Variants in VPS13B observed in about 807,000 individuals in gnomAD.
VPS13B encodes intermembrane lipid transfer protein VPS13B.
Under a neutral mutation model 426.4 loss-of-function variants are expected in VPS13B, and 285 were observed. That is an observed-to-expected ratio of 0.67 (90% CI 0.61 to 0.74). The LOEUF (loss-of-function observed/expected upper bound fraction) is 0.74, where lower values mean the gene tolerates loss of function less well. VPS13B is among the 30% of genes least tolerant of loss of function. The probability of loss-of-function intolerance (pLI) is 0.00; values close to 1 mark genes in which losing one functional copy is unlikely to be tolerated. For missense variants in VPS13B, 4,537 were observed against 4,782.6 expected, an observed-to-expected ratio of 0.95 and a Z score of 1.51; for synonymous variants, 1,676 against 1,676.4, an observed-to-expected ratio of 1.00 and a Z score of 0.01.
intron 24 of VPS13B, among the ~76,000 whole-genome samples, chr8:99,471,315 G>T (rs1819392262): frequency 6.6e-6 from 1 of 152,054 alleles, no homozygotes; most frequent in Non-Finnish European, 1.5e-5. Context: ...ATTGTCTGCT[G>T]GTTTTTTCAG....
chr8:99,668,588 G>T lies in VPS13B; in HGVS notation c.6046+7097G>T, dbSNP rs552863123. 5.9e-5 allele frequency among the ~76,000 whole-genome samples: 9 copies of T among 152,064 alleles called. No individual in the cohort carries two copies. In the Middle Eastern group the frequency reaches 0.014, roughly 230 times the overall value. Reference sequence around the variant, plus strand: ...TCTTGAGTATTCCCCTATTTCTTCTGTTCACCTAATGGTACCTTAATAGAG... The same window carrying T: ...TCTTGAGTATTCCCCTATTTCTTCTTTTCACCTAATGGTACCTTAATAGAG... On this transcript the variant is annotated intron_variant, in intron 35 of 61. Transcript: ENST00000357162.
At chr8:99,492,809 C>A (rs972853132) in intron 25 of VPS13B, among the ~76,000 whole-genome samples, 1 of 152,146 alleles carries the variant, frequency 6.6e-6, no homozygotes, top group Admixed American at 6.5e-5. Flanking sequence ...AATCCCCCAA[C>A]CCCTTGCGCT....
intron 19 of VPS13B, among the ~76,000 whole-genome samples, chr8:99,342,167 G>A (rs188678964): frequency 6.5e-4 from 99 of 152,226 alleles, no homozygotes; most frequent in African/African-American, 2.2e-3. Flanking sequence ...GTGATGTCTT[G>A]ATATTTGTAT....
At chr8:99,828,394 G>GTTTTGTTTT (rs1814832334) in intron 51 of VPS13B, among the ~76,000 whole-genome samples, 1 of 17,424 alleles carries the variant, frequency 5.7e-5, no homozygotes, top group Non-Finnish European at 1.0e-4. Flanking sequence ...TACAACCACC[G>GTTTTGTTTT]TTTTTTTTTT....
chr8:99,247,400 A>G (rs1441461055), intron 17 of VPS13B, among the ~76,000 whole-genome samples: 1 of 152,044 alleles, frequency 6.6e-6, no homozygotes. Context: ...CCTTCATTCC[A>G]GTTTCAGGGA....
At chr8:99,772,524 T>C (rs1811556950) in intron 40 of VPS13B, among the ~76,000 whole-genome samples, 1 of 151,982 alleles carries the variant, frequency 6.6e-6, no homozygotes, top group South Asian at 2.1e-4. Context: ...AATCAAAAAG[T>C]TCTAGAGATG....
chr8:99,752,671 A>G (rs1328782309), intron 39 of VPS13B, among the ~76,000 whole-genome samples: 1 of 152,206 alleles, frequency 6.6e-6, no homozygotes, highest in East Asian at 1.9e-4. Flanking sequence ...ATTTTAAGTT[A>G]TTCTCTAATC....
At chr8:99,136,887 A>C (rs1810098051) in intron 12 of VPS13B, 135 bp downstream of exon 12, 1 of 831,974 alleles carries the variant, frequency 1.2e-6, no homozygotes. Context: ...GAGTGGTTTA[A>C]TTTTAACATC....
At chr8:99,782,835 A>G (rs1210355090) in intron 42 of VPS13B, among the ~76,000 whole-genome samples, 1 of 152,114 alleles carries the variant, frequency 6.6e-6, no homozygotes, top group African/African-American at 2.4e-5. Flanking sequence ...TAAAATCCAT[A>G]GTAGAGAGTA....
rs891182271 is a variant in VPS13B, at chr8:99,147,918, A to G, written c.1921A>G (p.Thr641Ala). 5.6e-6 allele frequency: 9 copies of G among 1,613,614 alleles called. No individual in the cohort carries two copies. The highest frequency in any genetic ancestry group is 7.6e-6 in the Non-Finnish European group (9 of 1,179,802). The change falls in exon 14 of 62, where the codon ACA (threonine) becomes GCA (alanine). Residue 641 changes from threonine (T) to alanine (A), a missense_variant. Physicochemically the swap from Thr to Ala is moderately conservative, Grantham distance 58 (BLOSUM62 0). This residue lies in a region of VPS13B where 4,311 missense variants were observed against 4,474.3 expected (regional missense o/e 0.96). Coordinates refer to ENST00000357162, the MANE Select transcript of VPS13B (RefSeq NM_152564.5). ...LLEEYIPTRHTSVTLLKCTCT... is the reference protein window; with the variant it reads ...LLEEYIPTRHASVTLLKCTCT... ...GGAGGAATATATTCCTACTCGACAT[A>G]CAAGTGTTACTCTCCTCAAATGTAC...
chr8:99,870,417 C>T (rs1248269026), intron 59 of VPS13B, among the ~76,000 whole-genome samples: 1 of 152,138 alleles, frequency 6.6e-6, no homozygotes, highest in East Asian at 1.9e-4. Context: ...TTTGACCTCC[C>T]AAAGTTCTAG....
At chr8:99,460,126 G>T (rs1206159516) in intron 23 of VPS13B, among the ~76,000 whole-genome samples, 5 of 151,976 alleles carry the variant, frequency 3.3e-5, no homozygotes, top group Non-Finnish European at 7.4e-5. Flanking sequence ...GAACTCACTT[G>T]GTAATTTGCT....
rs78277780 is a variant in VPS13B, at chr8:99,832,377, T to A, written c.9339T>A (p.Arg3113=). ...TTTTTTTTTTTTTTTAGTATTTTCGTGTTCCAGACAGTGCTACTTTTAGCA... is the reference window on the plus strand; with the variant it reads ...TTTTTTTTTTTTTTTAGTATTTTCGAGTTCCAGACAGTGCTACTTTTAGCA... ...CNPHSGKEYF[R]VPDSATFSIC... The change falls in exon 52 of 62, where the codon CGT becomes CGA. Residue 3113 remains arginine, a synonymous_variant. Coordinates refer to ENST00000357162, the MANE Select transcript of VPS13B (RefSeq NM_152564.5). 7 of 1,527,278 alleles carry A rather than the reference T, an allele frequency of 4.6e-6. No homozygotes were observed. The highest frequency in any genetic ancestry group is 5.3e-6 in the Non-Finnish European group (6 of 1,141,200). 94.6% of individuals were successfully genotyped at this position (1,527,278 alleles called of 1,614,324 possible).
chr8:99,784,393 G>T lies in VPS13B; in HGVS notation c.7858G>T (p.Gly2620Cys). ...CNDTQETLRF[G>C]QVDTDENILL... is the part of the protein sequence containing the mutation. The stretch of plus-strand genomic sequence containing the variant: ...TGACACACAGGAGACACTGCGGTTT[G>T]GCCAGGTGGATACTGATGAAAATAT... The change falls in exon 43 of 62, where the codon GGC becomes TGC. Residue 2620 changes from glycine to cysteine, a missense_variant. Physicochemically the swap from Gly to Cys is radical, Grantham distance 159 (BLOSUM62 -3). Transcript: ENST00000357162. 1 of 1,613,760 alleles carries T rather than the reference G, an allele frequency of 6.2e-7. No individual in the cohort carries two copies. The highest frequency in any genetic ancestry group is 8.5e-7 in the Non-Finnish European group (1 of 1,179,732).
At chr8:99,450,583 T>C (rs1367676262) in intron 23 of VPS13B, among the ~76,000 whole-genome samples, 1 of 151,994 alleles carries the variant, frequency 6.6e-6, no homozygotes, top group East Asian at 1.9e-4. Context: ...CATGGTGGCG[T>C]GCGCCTGTAG....
At chr8:99,371,122 T>C (rs943809550) in intron 19 of VPS13B, among the ~76,000 whole-genome samples, 7 of 152,242 alleles carry the variant, frequency 4.6e-5, no homozygotes, top group African/African-American at 1.4e-4. Context: ...AAGAATGTTA[T>C]CATTATCACA....
At chr8:99,029,608 C>A (rs1842401848) in intron 2 of VPS13B, among the ~76,000 whole-genome samples, 1 of 151,628 alleles carries the variant, frequency 6.6e-6, no homozygotes, top group Admixed American at 6.5e-5. Context: ...CCTGTCTCCA[C>A]CAAAAAAAAA....
intron 19 of VPS13B, among the ~76,000 whole-genome samples, chr8:99,309,179 A>T (rs368251309): frequency 1.3e-5 from 2 of 152,014 alleles, no homozygotes; most frequent in East Asian, 3.8e-4. Flanking sequence ...GAAGCTCTTT[A>T]GTTTAGTTAG....
intron 19 of VPS13B, among the ~76,000 whole-genome samples, chr8:99,366,532 T>G (rs1236192521): frequency 6.6e-6 from 1 of 151,222 alleles, no homozygotes; most frequent in African/African-American, 2.4e-5. Flanking sequence ...TTTTTTTGTT[T>G]TTTTTTTTTT....
Sources: gnomAD v4.1 joint callset for allele counts (sites outside exome capture counted in the v4.1 genomes callset) on GRCh38, gnomAD v4.1.1 for gene constraint, gnomAD v4.1.1 regional missense constraint, MANE v1.5 for transcripts, NCBI Gene and HGNC (gene_info 2026-07-23, HGNC 2026-07-21) for gene names.